The following CLVS1 variants were observed in gnomAD, a reference collection of about 807,000 sequenced individuals.
The protein encoded by CLVS1 is clavesin 1.
CLVS1 carries 10 observed loss-of-function variants against 33.1 expected under a neutral mutation model. The ratio of observed to expected loss-of-function variants is 0.30; its 90% CI spans 0.19 to 0.51. CLVS1 has a LOEUF of 0.51. Among genes scored for constraint, CLVS1 ranks in the 20% least tolerant of loss-of-function variants. CLVS1 has a pLI of 0.97. For missense variants in CLVS1, 343 were observed against 433.4 expected (o/e 0.79, Z 1.85); for synonymous variants, 163 against 166.1 (o/e 0.98, Z 0.14).
chr8:60,995,175 T>C, the CLVS1 span, among the ~76,000 whole-genome samples: 2 of 152,252 alleles, frequency 1.3e-5, no homozygotes, highest in South Asian at 2.1e-4. Flanking sequence ...TCTAATTAAA[T>C]GAAAGAGCTT....
chr8:61,127,865 G>A (rs10098638), intron 1 of CLVS1, among the ~76,000 whole-genome samples: 57,981 of 151,994 alleles, frequency 0.38, 12,675 homozygotes, highest in East Asian at 0.82. Flanking sequence ...ATTCTATTTT[G>A]CAGAATTAAC....
At chr8:61,288,392 A>G (rs898914898) in intron 1 of CLVS1, among the ~76,000 whole-genome samples, 1 of 152,160 alleles carries the variant, frequency 6.6e-6, no homozygotes, top group East Asian at 1.9e-4. Flanking sequence ...CACCGTCATC[A>G]TAGCCACCAT....
chr8:61,177,704 G>A (rs993450321), intron 2 of CLVS1, among the ~76,000 whole-genome samples: 5 of 151,800 alleles, frequency 3.3e-5, no homozygotes, highest in African/African-American at 1.2e-4. Flanking sequence ...GAAGAATAGG[G>A]ACAGAAGGGA....
At chr8:61,396,018 A>G (rs1370719958) in intron 3 of CLVS1, among the ~76,000 whole-genome samples, 1 of 152,176 alleles carries the variant, frequency 6.6e-6, no homozygotes, top group Non-Finnish European at 1.5e-5. Flanking sequence ...CCATTCACCC[A>G]CTTATCCCAA....
chr8:61,079,323 T>C (rs888978484), intron 1 of CLVS1, among the ~76,000 whole-genome samples: 3 of 152,244 alleles, frequency 2.0e-5, no homozygotes, highest in Admixed American at 6.5e-5. Context: ...CCGTGTGATT[T>C]CTTTCTTTAC....
At chr8:61,204,402 T>C (rs564562042) in intron 2 of CLVS1, among the ~76,000 whole-genome samples, 19 of 152,286 alleles carry the variant, frequency 1.2e-4, no homozygotes, top group African/African-American at 4.6e-4. Flanking sequence ...ATTATTGGAT[T>C]TGTGATTGTT....
At chr8:61,191,576 A>ATT (rs1807479425) in intron 2 of CLVS1, among the ~76,000 whole-genome samples, 1 of 152,216 alleles carries the variant, frequency 6.6e-6, no homozygotes. Flanking sequence ...GAAAAGAGGA[A>ATT]GTCAAATTGT....
Position 61,342,625 on chromosome 8 carries a change from C to T in CLVS1, c.456-33980C>T, listed in dbSNP as rs573264968. Among the ~76,000 whole-genome samples, 5 of 152,266 alleles carry T rather than the reference C, an allele frequency of 3.3e-5. No homozygotes were observed. In the South Asian group the frequency reaches 1.0e-3, roughly 32 times the overall value. ...CATACGGAATCCAGTTAACCTTTGG[C>T]GAAAAACATGAGCGATATTTATTGC... On this transcript the variant is annotated intron_variant, in intron 2 of 5. Coordinates refer to ENST00000325897, the MANE Select transcript of CLVS1 (RefSeq NM_173519.3).
the CLVS1 span, among the ~76,000 whole-genome samples, chr8:60,975,171 C>G: frequency 1.3e-5 from 2 of 152,150 alleles, no homozygotes; most frequent in Non-Finnish European, 2.9e-5. Flanking sequence ...GAAAAAAGCA[C>G]AGGATTTAGA....
At chr8:61,082,741 T>A (rs1315368917) in intron 1 of CLVS1, among the ~76,000 whole-genome samples, 1 of 152,128 alleles carries the variant, frequency 6.6e-6, no homozygotes, top group African/African-American at 2.4e-5. Flanking sequence ...CTGGAGAGAT[T>A]GTCCTTCAAA....
At chr8:61,315,688 G>T (rs149324887) in intron 2 of CLVS1, among the ~76,000 whole-genome samples, 6 of 152,242 alleles carry the variant, frequency 3.9e-5, no homozygotes, top group Non-Finnish European at 8.8e-5. Context: ...TGGTCTACAT[G>T]GTTGAAGCTG....
At chr8:61,232,279 G>T (rs113905227) in intron 2 of CLVS1, among the ~76,000 whole-genome samples, 3 of 151,476 alleles carry the variant, frequency 2.0e-5, no homozygotes, top group Non-Finnish European at 4.4e-5. Flanking sequence ...CTCGTGATCC[G>T]CCCGCCTCAG....
intron 5 of CLVS1, among the ~76,000 whole-genome samples, chr8:61,491,920 A>G (rs982015062): frequency 2.6e-5 from 4 of 152,200 alleles, no homozygotes; most frequent in Non-Finnish European, 5.9e-5. Context: ...TTAAATAACA[A>G]CAGTGATACT....
chr8:61,022,468 G>A, the CLVS1 span, among the ~76,000 whole-genome samples: 1 of 152,080 alleles, frequency 6.6e-6, no homozygotes, highest in Non-Finnish European at 1.5e-5. Flanking sequence ...TTTTAATTGT[G>A]TGAAAGTACC....
At chr8:60,968,275 C>G in the CLVS1 span, among the ~76,000 whole-genome samples, 1 of 152,036 alleles carries the variant, frequency 6.6e-6, no homozygotes, top group Admixed American at 6.5e-5. Flanking sequence ...TTTGGGAGGC[C>G]GAGGCCGAGG....
chr8:61,280,747 A>G (rs184139205), intron 2 of CLVS1, among the ~76,000 whole-genome samples: 291 of 152,290 alleles, frequency 1.9e-3, no homozygotes, highest in African/African-American at 6.8e-3. Context: ...ATATTATCAT[A>G]TTCTTCAAAA....
chr8:61,468,421 T>C (rs1817627744), intron 5 of CLVS1, among the ~76,000 whole-genome samples: 1 of 152,212 alleles, frequency 6.6e-6, no homozygotes, highest in African/African-American at 2.4e-5. Context: ...TGAGAAGTTC[T>C]ACAAGGAAAA....
chr8:60,970,004 A>G, the CLVS1 span, among the ~76,000 whole-genome samples: 1 of 152,200 alleles, frequency 6.6e-6, no homozygotes, highest in Non-Finnish European at 1.5e-5. Context: ...AACCCGATAT[A>G]TCAAAGTCGC....
intron 5 of CLVS1, among the ~76,000 whole-genome samples, chr8:61,484,946 A>G (rs1204736449): frequency 2.0e-5 from 3 of 152,356 alleles, no homozygotes; most frequent in Middle Eastern, 3.4e-3. Context: ...AATTAATTCA[A>G]GATGGATTAA....
Sources: gnomAD v4.1 joint callset for allele counts (sites outside exome capture counted in the v4.1 genomes callset) on GRCh38, gnomAD v4.1.1 for gene constraint, MANE v1.5 for transcripts, NCBI Gene and HGNC (gene_info 2026-07-23, HGNC 2026-07-21) for gene names.